Variants in ABAT observed in about 807,000 individuals in gnomAD.
ABAT encodes 4-aminobutyrate aminotransferase, also known as 4-aminobutyrate aminotransferase, mitochondrial.
Under a neutral mutation model 64.6 loss-of-function variants are expected in ABAT, and 45 were observed. That is an observed-to-expected ratio of 0.70 (90% CI 0.55 to 0.89). ABAT has a LOEUF of 0.89. Ranked by LOEUF, ABAT falls within the 40% of genes least tolerant of loss-of-function variation. ABAT has a pLI of 0.00. For synonymous variants in ABAT, 297 were observed against 250.5 expected (o/e 1.19, Z -1.75); for missense variants, 633 against 658.4 (o/e 0.96, Z 0.42).
intron 1 of ABAT, among the ~76,000 whole-genome samples, chr16:8,696,192 G>A (rs1002725464): frequency 1.6e-4 from 24 of 152,182 alleles, no homozygotes; most frequent in Admixed American, 5.9e-4. Context: ...TGTAATCCAA[G>A]GTTCCTACTG....
intron 1 of ABAT, among the ~76,000 whole-genome samples, chr16:8,702,401 C>T (rs986073529): frequency 6.6e-6 from 1 of 152,122 alleles, no homozygotes; most frequent in African/African-American, 2.4e-5. Context: ...TATAGGCATG[C>T]ACCACCACGC....
At chr16:8,751,787 G>A (rs914187417) in intron 5 of ABAT, among the ~76,000 whole-genome samples, 4 of 152,170 alleles carry the variant, frequency 2.6e-5, no homozygotes, top group African/African-American at 9.6e-5. Context: ...TCGGTGGGAT[G>A]CCCACAGCGT....
intron 1 of ABAT, chr16:8,722,797 A>G: frequency 7.8e-7 from 1 of 1,288,936 alleles, no homozygotes; most frequent in Non-Finnish European, 1.0e-6. Flanking sequence ...GCGGATTGCA[A>G]AGGGCCTGGT....
Position 8,746,090 on chromosome 16 carries a change from A to G in ABAT, c.160A>G (p.Arg54Gly), listed in dbSNP as rs776301838. 4 of 1,613,330 alleles carry G rather than the reference A, an allele frequency of 2.5e-6. No homozygotes were observed. The South Asian group carries it at 4.4e-5, about 18-fold the overall frequency. ...PLMKTEVPGP[R>G]SQELMKQLNI... ...GATGAAGACGGAAGTCCCAGGGCCTAGATCTCAGGTGAGTTGAGCACACCT... is the reference window on the plus strand; with the variant it reads ...GATGAAGACGGAAGTCCCAGGGCCTGGATCTCAGGTGAGTTGAGCACACCT... The change falls in exon 3 of 16, where the codon AGA becomes GGA. Residue 54 changes from arginine to glycine, a missense_variant. Physicochemically the swap from Arg to Gly is moderately radical, Grantham distance 125 (BLOSUM62 -2). Transcript: ENST00000268251.
intron 1 of ABAT, among the ~76,000 whole-genome samples, chr16:8,704,911 C>A (rs1038088340): frequency 2.0e-5 from 3 of 152,086 alleles, no homozygotes; most frequent in Non-Finnish European, 4.4e-5. Context: ...GTCTCGAACT[C>A]CTGGCCTCAA....
chr16:8,725,894 C>T (rs974039184), intron 1 of ABAT, among the ~76,000 whole-genome samples: 1 of 152,176 alleles, frequency 6.6e-6, no homozygotes, highest in Non-Finnish European at 1.5e-5. Context: ...TCAACTCCCA[C>T]CCCAGTGGGT....
chr16:8,684,040 G>A (rs551881336), intron 1 of ABAT, among the ~76,000 whole-genome samples: 6 of 152,240 alleles, frequency 3.9e-5, no homozygotes, highest in Admixed American at 1.3e-4. Context: ...CTAGCCATGC[G>A]GAAACAGGCC....
At chr16:8,680,229 A>G (rs1398725295) in intron 1 of ABAT, among the ~76,000 whole-genome samples, 1 of 151,802 alleles carries the variant, frequency 6.6e-6, no homozygotes, top group East Asian at 1.9e-4. Context: ...TGTTTGCTGG[A>G]TTTCTTCCCA....
At chr16:8,724,667 C>T (rs1156946053) in intron 1 of ABAT, among the ~76,000 whole-genome samples, 1 of 136,556 alleles carries the variant, frequency 7.3e-6, no homozygotes, top group African/African-American at 2.7e-5. Context: ...GCCTGGGAGC[C>T]AGAGGTTGCT....
rs2060454475 is a variant in ABAT, at chr16:8,782,153, C to G, written c.*723C>G. 6.5e-6 allele frequency: 1 copy of G among 153,244 alleles called. No individual in the cohort carries two copies. Among genetic ancestry groups the G allele is most frequent in the Non-Finnish European group, 1.5e-5 (1 of 68,846 alleles). 9.5% of individuals were successfully genotyped at this position (153,244 alleles called of 1,614,324 possible). A position where few individuals can be genotyped will look rare whatever the true frequency, so the allele number is the denominator to read the frequency against. ...TTACCCGTGATTCTTACTCGGCATC[C>G]TCCATTCCCCAAACTCCCTCCTCCC... On this transcript the variant is annotated 3_prime_UTR_variant, in exon 16 of 16. Coordinates refer to ENST00000268251, the MANE Select transcript of ABAT (RefSeq NM_020686.6).
In ABAT at chr16:8,779,252, G is replaced by C. The variant is rs183856387; in HGVS notation, c.1270-227G>C. On this transcript the variant is annotated intron_variant, in intron 14 of 15. Transcript: ENST00000268251. ...AGAGCTGGGCTTGGTTGTTGTTGCT[G>C]GTGGTGGTGGTGGTGGTTTTTTTCC... is the stretch of plus-strand genomic sequence containing the variant. 2.6e-5 allele frequency among the ~76,000 whole-genome samples: 4 copies of C among 151,234 alleles called. No individual in the cohort carries two copies. In the East Asian group the frequency reaches 7.7e-4, roughly 29 times the overall value.
At chr16:8,729,960 T>C (rs1305469483) in intron 1 of ABAT, among the ~76,000 whole-genome samples, 1 of 151,728 alleles carries the variant, frequency 6.6e-6, no homozygotes, top group Non-Finnish European at 1.5e-5. Flanking sequence ...CGCAGAGGAA[T>C]GGGGAAGTAT....
At chr16:8,756,048 C>A (rs1596458790) in intron 5 of ABAT, among the ~76,000 whole-genome samples, 2 of 145,268 alleles carry the variant, frequency 1.4e-5, no homozygotes. Context: ...GACTCTCTCT[C>A]AAAAAAAAAA....
rs145421898 is a variant in ABAT, at chr16:8,729,884, G to C, written c.-41-5815G>C. ...ATGCTGGATCATCTCAGTGGGTAGA[G>C]AGTGTCAGGACTCTGGCCCAGCCCT... On this transcript the variant is annotated intron_variant, in intron 1 of 15. Transcript: ENST00000268251. Among the ~76,000 whole-genome samples the C allele has an allele frequency of 3.4e-3, 517 of 150,582 alleles. 5 individuals are homozygous for C. The highest frequency in any genetic ancestry group is 0.011 in the African/African-American group (452 of 40,906).
chr16:8,713,734 G>A (rs938703613), intron 1 of ABAT: 3 of 386,330 alleles, frequency 7.8e-6, no homozygotes, highest in African/African-American at 2.1e-5. Context: ...TCCTGAGGAG[G>A]GAGCTGGTGC....
At position 8,772,293 on chromosome 16, in the gene ABAT, T is replaced by C. The variant is rs1288648108; in HGVS notation, c.817-487T>C. Reference sequence around the variant, plus strand: ...GTGTGTGTGTGTGTGTGTGTGTGTGTGTGTGTGTGTGAATGCTCTCACCTT... The same window carrying C: ...GTGTGTGTGTGTGTGTGTGTGTGTGCGTGTGTGTGTGAATGCTCTCACCTT... On this transcript the variant is annotated intron_variant, in intron 11 of 15. Transcript: ENST00000268251. Among the ~76,000 whole-genome samples the C allele has an allele frequency of 5.9e-5, 8 of 135,502 alleles. No homozygotes were observed. In the East Asian group the frequency reaches 1.7e-3, roughly 29 times the overall value. The allele number at this position is 135,502 out of a possible 152,430, so 88.9% of individuals were successfully genotyped here.
intron 1 of ABAT, among the ~76,000 whole-genome samples, chr16:8,678,804 C>G (rs922425711): frequency 1.1e-4 from 17 of 152,064 alleles, no homozygotes; most frequent in African/African-American, 3.9e-4. Context: ...ACATTCCTGA[C>G]CTTGAAAGGT....
In ABAT at chr16:8,681,191, A is replaced by G. The variant is rs1370819814; in HGVS notation, c.-42+6480A>G. ...GTTGTTGTTGAGATGGAGTCTCCCT[A>G]TGTAGCCCAGGCTGGTTTTGAACTC... On this transcript the variant is annotated intron_variant, in intron 1 of 15. Transcript: ENST00000268251. Among the ~76,000 whole-genome samples the G allele has an allele frequency of 2.6e-5, 4 of 151,840 alleles. No individual in the cohort carries two copies. In the East Asian group the frequency reaches 5.8e-4, roughly 22 times the overall value.
At chr16:8,779,708 C>T in intron 15 of ABAT, 118 bp downstream of exon 15, 1 of 774,996 alleles carries the variant, frequency 1.3e-6, no homozygotes, top group Non-Finnish European at 2.2e-6. Context: ...GTACACAGGT[C>T]TGAAAAGAGC....
Sources: gnomAD v4.1 joint callset for allele counts (sites outside exome capture counted in the v4.1 genomes callset) on GRCh38, gnomAD v4.1.1 for gene constraint, MANE v1.5 for transcripts, NCBI Gene and HGNC (gene_info 2026-07-23, HGNC 2026-07-21) for gene names.